MAGI2: variants seen among roughly 807,000 people sequenced by gnomAD.
The protein encoded by MAGI2 is membrane-associated guanylate kinase, WW and PDZ domain-containing protein 2.
A neutral mutation model predicts 133.3 loss-of-function variants in MAGI2; 35 were observed. That is an observed-to-expected ratio of 0.26 (90% CI 0.20 to 0.35). The LOEUF (loss-of-function observed/expected upper bound fraction) is 0.35, where lower values mean the gene tolerates loss of function less well. Ranked by LOEUF, MAGI2 falls within the 10% of genes least tolerant of loss-of-function variation. MAGI2 has a pLI of 1.00. For synonymous variants in MAGI2, 729 were observed against 710.6 expected, an observed-to-expected ratio of 1.03 and a Z score of -0.41; for missense variants, 1,636 against 1,863.4, an observed-to-expected ratio of 0.88 and a Z score of 2.25.
rs371235544 is a variant in MAGI2, at chr7:78,667,662, C to T, written c.419-40423G>A. Among the ~76,000 whole-genome samples, 87 of 151,500 alleles carry T rather than the reference C, an allele frequency of 5.7e-4. 2 individuals are homozygous for T. The East Asian group carries it at 0.016, about 27-fold the overall frequency. On this transcript the variant is annotated intron_variant, in intron 2 of 21. Transcript: ENST00000354212. ...AGTGTTTGGTTTTTTGTCCTTGCGA[C>T]AGTTTACTGAGAATGATGATTTCCA...
intron 3 of MAGI2, among the ~76,000 whole-genome samples, chr7:78,525,542 T>C (rs1292491075): frequency 3.9e-5 from 6 of 152,094 alleles, no homozygotes; most frequent in South Asian, 2.1e-4. Context: ...TTTGGAAAAA[T>C]TGTTCCCTAA....
intron 7 of MAGI2, among the ~76,000 whole-genome samples, chr7:78,352,623 G>T (rs916759173): frequency 6.6e-6 from 1 of 152,142 alleles, no homozygotes; most frequent in Non-Finnish European, 1.5e-5. Flanking sequence ...ACATGAGGGT[G>T]TCTATGTTGG....
chr7:79,423,059 A>T (rs961605361), intron 1 of MAGI2, among the ~76,000 whole-genome samples: 5 of 152,204 alleles, frequency 3.3e-5, no homozygotes, highest in Non-Finnish European at 5.9e-5. Flanking sequence ...TGGCTGCCCA[A>T]TTAAATTATT....
chr7:79,398,297 C>T (rs1281908762), intron 1 of MAGI2, among the ~76,000 whole-genome samples: 1 of 152,160 alleles, frequency 6.6e-6, no homozygotes, highest in Non-Finnish European at 1.5e-5. Flanking sequence ...TAGTATAGAG[C>T]ACTATCCATT....
intron 2 of MAGI2, among the ~76,000 whole-genome samples, chr7:78,860,435 C>A (rs928070625): frequency 6.6e-6 from 1 of 152,126 alleles, no homozygotes; most frequent in Non-Finnish European, 1.5e-5. Context: ...TGTGGATGTC[C>A]TTTCTGTTTG....
chr7:78,875,354 A>T (rs1037436911), intron 2 of MAGI2, among the ~76,000 whole-genome samples: 7 of 152,174 alleles, frequency 4.6e-5, no homozygotes, highest in Non-Finnish European at 1.0e-4. Flanking sequence ...ACTAAAATTT[A>T]TGAATCAATA....
At chr7:78,034,068 T>C (rs568492910) in intron 21 of MAGI2, among the ~76,000 whole-genome samples, 1 of 152,344 alleles carries the variant, frequency 6.6e-6, no homozygotes, top group African/African-American at 2.4e-5. Context: ...ATATTATTTG[T>C]ATTGACAAGT....
At chr7:78,422,900 G>C (rs560083376) in intron 6 of MAGI2, among the ~76,000 whole-genome samples, 25 of 152,256 alleles carry the variant, frequency 1.6e-4, no homozygotes, top group Admixed American at 7.8e-4. Context: ...CTCTCCCAAA[G>C]AATCATTAAC....
chr7:78,888,730 C>T (rs1288195021), intron 2 of MAGI2, among the ~76,000 whole-genome samples: 7 of 152,158 alleles, frequency 4.6e-5, no homozygotes, highest in Admixed American at 3.9e-4. Context: ...CCCATCCATA[C>T]ATCACCATCA....
intron 2 of MAGI2, among the ~76,000 whole-genome samples, chr7:78,976,676 T>C (rs1021465192): frequency 6.7e-6 from 1 of 148,406 alleles, no homozygotes; most frequent in Non-Finnish European, 1.5e-5. Context: ...AATTAACATA[T>C]GACTTTTTTT....
At chr7:78,758,945 T>C (rs1448728269) in intron 2 of MAGI2, among the ~76,000 whole-genome samples, 1 of 152,198 alleles carries the variant, frequency 6.6e-6, no homozygotes, top group Non-Finnish European at 1.5e-5. Flanking sequence ...TACACGTCTA[T>C]CTCCCACACT....
chr7:79,176,581 A>C (rs1045195767), intron 1 of MAGI2, among the ~76,000 whole-genome samples: 1 of 151,994 alleles, frequency 6.6e-6, no homozygotes, highest in Non-Finnish European at 1.5e-5. Context: ...ATAAAAATTG[A>C]TGAATGAAAT....
chr7:78,298,116 A>G (rs1304513963), intron 9 of MAGI2, among the ~76,000 whole-genome samples: 1 of 152,224 alleles, frequency 6.6e-6, no homozygotes, highest in Non-Finnish European at 1.5e-5. Flanking sequence ...CACAAAATTC[A>G]ATAGTCTCAG....
intron 2 of MAGI2, among the ~76,000 whole-genome samples, chr7:78,642,645 G>T (rs1810434381): frequency 1.3e-5 from 2 of 152,152 alleles, no homozygotes; most frequent in South Asian, 4.1e-4. Context: ...AATTATATGA[G>T]AAATTTTTTT....
At chr7:78,803,790 T>A (rs1487845499) in intron 2 of MAGI2, among the ~76,000 whole-genome samples, 2 of 152,228 alleles carry the variant, frequency 1.3e-5, no homozygotes, top group African/African-American at 4.8e-5. Flanking sequence ...AAAATTTACA[T>A]AATATTTGCA....
intron 1 of MAGI2, among the ~76,000 whole-genome samples, chr7:79,246,971 C>A (rs182488768): frequency 2.6e-4 from 39 of 152,148 alleles, no homozygotes; most frequent in African/African-American, 8.2e-4. Flanking sequence ...TTTGTGGAAA[C>A]CTTATAAGCC....
At chr7:79,285,402 A>G (rs191101303) in intron 1 of MAGI2, among the ~76,000 whole-genome samples, 1 of 152,172 alleles carries the variant, frequency 6.6e-6, no homozygotes, top group East Asian at 1.9e-4. Flanking sequence ...TATACATTCA[A>G]TTTTTAAAGA....
intron 2 of MAGI2, among the ~76,000 whole-genome samples, chr7:78,723,798 C>G (rs1820498047): frequency 6.6e-6 from 1 of 152,030 alleles, no homozygotes; most frequent in African/African-American, 2.4e-5. Flanking sequence ...ATTTCTTGAG[C>G]AGGTAAAAGC....
intron 1 of MAGI2, among the ~76,000 whole-genome samples, chr7:79,400,708 A>G (rs894151082): frequency 6.6e-6 from 1 of 152,232 alleles, no homozygotes; most frequent in African/African-American, 2.4e-5. Flanking sequence ...ACAGTTAAAA[A>G]GAATTTTACT....
Sources: gnomAD v4.1 joint callset for allele counts (sites outside exome capture counted in the v4.1 genomes callset) on GRCh38, gnomAD v4.1.1 for gene constraint, MANE v1.5 for transcripts, NCBI Gene and HGNC (gene_info 2026-07-23, HGNC 2026-07-21) for gene names.